The following SMC4 variants were observed in gnomAD, a reference collection of about 807,000 sequenced individuals.
SMC4 encodes the protein structural maintenance of chromosomes 4, also known as structural maintenance of chromosomes protein 4.
SMC4 carries 87 observed loss-of-function variants against 145.6 expected under a neutral mutation model. The observed-to-expected ratio is 0.60, with a 90% CI of 0.50 to 0.71. The LOEUF (loss-of-function observed/expected upper bound fraction) is 0.71, where lower values mean the gene tolerates loss of function less well. SMC4 is among the 30% of genes least tolerant of loss of function. The pLI is 0.00. For missense variants in SMC4, 1,447 were observed against 1,537.1 expected, an observed-to-expected ratio of 0.94 and a Z score of 0.98; for synonymous variants, 558 against 500.7, an observed-to-expected ratio of 1.11 and a Z score of -1.53.
In SMC4 at chr3:160,416,421, T is replaced by G. The variant is rs200450777; in HGVS notation, c.1437+6T>G. On this transcript the variant is annotated splice_donor_region_variant and intron_variant, in intron 10 of 23. Transcript: ENST00000357388. ...GGCTTCAGAAAGAAAAAGAAGTAAG[T>G]TTTTTTTTTTTATCAGTGTTTATTT... 251 of 1,073,408 alleles carry G rather than the reference T, an allele frequency of 2.3e-4. 1 individual carries two copies. Among genetic ancestry groups the G allele is most frequent in the Middle Eastern group, 9.8e-4 (3 of 3,060 alleles). The allele number at this position is 1,073,408 out of a possible 1,614,324, so 66.5% of individuals were successfully genotyped here.
intron 20 of SMC4, among the ~76,000 whole-genome samples, 166 bp downstream of exon 20, chr3:160,431,371 A>G (rs1033958575): frequency 6.6e-6 from 1 of 152,216 alleles, no homozygotes. Flanking sequence ...ACATAACAAT[A>G]TAAATTGTTA....
chr3:160,417,751 G>C lies in SMC4; in HGVS notation c.1466G>C (p.Ser489Thr). The stretch of plus-strand genomic sequence containing the variant: ...CGAGAGAAAGAACTTATGGGTTTCA[G>C]CAAATCGGTAAATGAAGCACGTTCA... ...ESREKELMGF[S>T]KSVNEARSKM... Residue 489 changes from serine to threonine, a missense_variant, in exon 11 of 24, where the codon AGC becomes ACC. Ser to Thr is a moderately conservative substitution (Grantham distance 58). Transcript: ENST00000357388. 1.2e-6 allele frequency: 2 copies of C among 1,612,340 alleles called. No homozygotes were observed. The highest frequency in any genetic ancestry group is 1.7e-6 in the Non-Finnish European group (2 of 1,179,674).
chr3:160,429,009 TATGTA>T (rs984411771), intron 18 of SMC4, 67 bp downstream of exon 18: 12 of 1,269,112 alleles, frequency 9.5e-6, no homozygotes, highest in Non-Finnish European at 1.1e-5. Context: ...AGGGGGTTAC[TATGTA>T]ATGTTCCATA....
chr3:160,406,223 C>A (rs1346400361), intron 5 of SMC4, among the ~76,000 whole-genome samples: 1 of 151,998 alleles, frequency 6.6e-6, no homozygotes, highest in East Asian at 1.9e-4. Context: ...AACATTTCTT[C>A]CCAAATAATA....
At chr3:160,429,033 C>T (rs755156721) in intron 18 of SMC4, 91 bp downstream of exon 18, 4 of 1,089,850 alleles carry the variant, frequency 3.7e-6, no homozygotes. Context: ...TAAAATGTTT[C>T]TCTTACTGTT....
At chr3:160,429,072 C>G in intron 18 of SMC4, 130 bp downstream of exon 18, 1 of 713,708 alleles carries the variant, frequency 1.4e-6, no homozygotes. Flanking sequence ...GACACATTAC[C>G]TAATGGGACT....
In SMC4 at chr3:160,412,345, T is replaced by G; in HGVS notation, c.872T>G (p.Val291Gly). The change falls in exon 7 of 24, where the codon GTG (valine) becomes GGG (glycine). Residue 291 changes from valine to glycine, a missense_variant. Physicochemically the swap from Val to Gly is moderately radical, Grantham distance 109. Coordinates refer to ENST00000357388, the MANE Select transcript of SMC4 (RefSeq NM_001002800.3). Reference protein sequence around the residue: ...RGEKLNRVKMVEKEKDALEGE... With the variant: ...RGEKLNRVKMGEKEKDALEGE... The stretch of plus-strand genomic sequence containing the variant: ...CTGTAGTTAAACAGGGTAAAGATGG[T>G]GGAAAAGGAAAAGGATGCCTTAGAA... 3.1e-6 allele frequency: 5 copies of G among 1,599,352 alleles called. No individual in the cohort carries two copies. The highest frequency in any genetic ancestry group is 4.3e-6 in the Non-Finnish European group (5 of 1,167,158).
At chr3:160,421,314 G>T (rs1050340664) in intron 13 of SMC4, among the ~76,000 whole-genome samples, 1 of 152,044 alleles carries the variant, frequency 6.6e-6, no homozygotes, top group Admixed American at 6.5e-5. Context: ...ACACCTGATG[G>T]GTTTTGACGA....
At chr3:160,431,432 C>T (rs1000906306) in intron 20 of SMC4, among the ~76,000 whole-genome samples, 1 of 152,084 alleles carries the variant, frequency 6.6e-6, no homozygotes, top group Admixed American at 6.6e-5. Context: ...ACCCTTTCAC[C>T]CTAGGGCTGA....
chr3:160,404,406 T>C lies in SMC4; in HGVS notation c.589T>C (p.Tyr197His), dbSNP rs1715070757. 3 of 1,611,388 alleles carry C rather than the reference T, an allele frequency of 1.9e-6. No individual in the cohort carries two copies. Among genetic ancestry groups the C allele is most frequent in the African/African-American group, 2.7e-5 (2 of 74,766 alleles). ...GGCCTGCAGAGATAATACTTCTGTC[T>C]ATCACATAAGTGGAAAGAAAAAGAC... Reference protein sequence around the residue: ...RTACRDNTSVYHISGKKKTFK... With the variant: ...RTACRDNTSVHHISGKKKTFK... Residue 197 changes from tyrosine to histidine, a missense_variant, in exon 5 of 24, where the codon TAT becomes CAT. Coordinates refer to ENST00000357388, the MANE Select transcript of SMC4 (RefSeq NM_001002800.3).
Position 160,412,382 on chromosome 3 carries a change from CAT to C in SMC4, c.911_912del (p.Ile304SerfsTer10), listed in dbSNP as rs1491028014. The C allele has an allele frequency of 1.2e-6, 2 of 1,604,624 alleles. No homozygotes were observed. The highest frequency in any genetic ancestry group is 2.2e-5 in the East Asian group (1 of 44,702). On this transcript the variant is annotated frameshift_variant, in exon 7 of 24. Transcript: ENST00000357388. LOFTEE classifies it high-confidence loss of function. ...AGGATGCCTTAGAAGGAGAGAAAAA[CAT>C]AGCTATCGAATTTCTTACCTTGGAA... ...EKDALEGEKN[I>X]AIEFLTLENE...
chr3:160,424,185 CTTT>C (rs1158249093), intron 15 of SMC4, among the ~76,000 whole-genome samples: 1 of 151,896 alleles, frequency 6.6e-6, no homozygotes, highest in African/African-American at 2.4e-5. Flanking sequence ...CAAAATAATT[CTTT>C]AAAAGTATAG....
chr3:160,402,746 T>C lies in SMC4; in HGVS notation c.389T>C (p.Phe130Ser). Residue 130 changes from phenylalanine to serine, a missense_variant, in exon 4 of 24, where the codon TTT (phenylalanine) becomes TCT (serine). By Grantham distance (155) the Phe-to-Ser change is radical. Transcript: ENST00000357388. ...GTTATTGATTCTATGCTTTTTGTGT[T>C]TGGCTATCGAGCACAAAAAATAAGA... is the stretch of plus-strand genomic sequence containing the variant. ...SNVIDSMLFV[F>S]GYRAQKIRSK... The C allele has an allele frequency of 6.2e-7, 1 of 1,612,778 alleles. No individual in the cohort carries two copies. Among genetic ancestry groups the C allele is most frequent in the Non-Finnish European group, 8.5e-7 (1 of 1,179,732 alleles).
At chr3:160,431,307 T>G (rs1718378706) in intron 20 of SMC4, 102 bp downstream of exon 20, 7 of 935,060 alleles carry the variant, frequency 7.5e-6, no homozygotes, top group African/African-American at 3.4e-5. Context: ...AAATTTTGTT[T>G]GTGAGCTACA....
intron 4 of SMC4, 48 bp downstream of exon 4, chr3:160,402,915 C>G (rs1379535736): frequency 7.6e-7 from 1 of 1,321,248 alleles, no homozygotes; most frequent in Non-Finnish European, 1.0e-6. Context: ...GGAAAATGGA[C>G]TTAAATGCAT....
At position 160,433,832 on chromosome 3, in the gene SMC4, A is replaced by G. The variant is rs1718694946; in HGVS notation, c.*23A>G. On this transcript the variant is annotated 3_prime_UTR_variant, in exon 24 of 24. Transcript: ENST00000357388. ...TGAACTTTATGCTGAAGATTCTTCA[A>G]GTTGATTCAGTGTATTACTGATTTT... 2.5e-6 allele frequency: 4 copies of G among 1,578,934 alleles called. No individual in the cohort carries two copies. The highest frequency in any genetic ancestry group is 2.7e-5 in the African/African-American group (2 of 73,558).
At chr3:160,419,660 T>C (rs1716963257) in intron 12 of SMC4, 117 bp downstream of exon 12, 10 of 981,954 alleles carry the variant, frequency 1.0e-5, no homozygotes, top group Non-Finnish European at 1.5e-5. Context: ...AAGATTCATT[T>C]TGTTTGTTTT....
In SMC4 at chr3:160,401,162, G is replaced by A. The variant is rs369425404; in HGVS notation, c.139+197G>A. 1.7e-4 allele frequency among the ~76,000 whole-genome samples: 26 copies of A among 152,218 alleles called. No homozygotes were observed. The East Asian group carries it at 3.3e-3, about 19-fold the overall frequency. On this transcript the variant is annotated intron_variant, in intron 2 of 23. Transcript: ENST00000357388. ...GTGCAATTTTGGTGTAACGGCGCTG[G>A]AAGGGATGGGGGCGAGCAAACGGGT...
intron 4 of SMC4, among the ~76,000 whole-genome samples, chr3:160,403,599 A>C (rs991221064): frequency 2.6e-5 from 4 of 152,086 alleles, no homozygotes; most frequent in African/African-American, 9.7e-5. Flanking sequence ...ACACAGAATC[A>C]TCTATTTTAA....
Sources: gnomAD v4.1 joint callset for allele counts (sites outside exome capture counted in the v4.1 genomes callset) on GRCh38, gnomAD v4.1.1 for gene constraint, MANE v1.5 for transcripts, NCBI Gene and HGNC (gene_info 2026-07-23, HGNC 2026-07-21) for gene names.